Variants in SLC45A4 observed in about 807,000 individuals in gnomAD.
SLC45A4 encodes polyamine-transporter SLC45A4.
A neutral mutation model predicts 63.7 loss-of-function variants in SLC45A4; 32 were observed. The ratio of observed to expected loss-of-function variants is 0.50; its 90% CI spans 0.38 to 0.67. The LOEUF is 0.67. Among genes scored for constraint, SLC45A4 ranks in the 30% least tolerant of loss-of-function variants. The pLI, the probability that SLC45A4 is intolerant of heterozygous loss-of-function variation, is 0.00. For synonymous variants in SLC45A4, 535 were observed against 510.0 expected, an observed-to-expected ratio of 1.05 and a Z score of -0.66; for missense variants, 1,027 against 1,157.7, an observed-to-expected ratio of 0.89 and a Z score of 1.64.
intron 2 of SLC45A4, among the ~76,000 whole-genome samples, chr8:141,222,419 C>T (rs1207851016): frequency 6.6e-6 from 1 of 152,200 alleles, no homozygotes; most frequent in African/African-American, 2.4e-5. Context: ...ACCTGTCATG[C>T]TCACATTCTC....
Position 141,277,713 on chromosome 8 carries a change from C to T in SLC45A4, c.-400-23084G>A, listed in dbSNP as rs144602703. On this transcript the variant is annotated intron_variant, in intron 1 of 8. Transcript: ENST00000517878. ...GGAGTGCAGTGGGGCGATCTCGGCT[C>T]ACTGCAAGCTCCGCCTCCCGGGTTC... Among the ~76,000 whole-genome samples the T allele has an allele frequency of 3.8e-3, 575 of 152,002 alleles. 9 individuals are homozygous for T. The highest frequency in any genetic ancestry group is 0.013 in the African/African-American group (549 of 41,428).
At chr8:141,281,633 GAC>G (rs1371520723) in intron 1 of SLC45A4, among the ~76,000 whole-genome samples, 2 of 152,178 alleles carry the variant, frequency 1.3e-5, no homozygotes, top group Non-Finnish European at 2.9e-5. Context: ...TTCAATACAT[GAC>G]AGTGTTTGCA....
chr8:141,246,396 A>G (rs1372853647), intron 2 of SLC45A4, among the ~76,000 whole-genome samples: 6 of 152,178 alleles, frequency 3.9e-5, no homozygotes, highest in Non-Finnish European at 7.4e-5. Context: ...AGGCTCCTGG[A>G]CTGAGAGCCT....
chr8:141,270,331 A>C (rs1353150563), intron 1 of SLC45A4, among the ~76,000 whole-genome samples: 5 of 149,458 alleles, frequency 3.3e-5, no homozygotes, highest in Non-Finnish European at 3.0e-5. Flanking sequence ...GTTCAAGACC[A>C]CCCTGGGCGA....
intron 2 of SLC45A4, chr8:141,252,432 T>C (rs142829297): frequency 0.016 from 1,904 of 121,242 alleles, 116 homozygotes; most frequent in Admixed American, 0.11. Flanking sequence ...CCCACCTGCG[T>C]GTCTGTGAAT....
In SLC45A4 at chr8:141,297,343, C is replaced by T. The variant is rs556439952; in HGVS notation, c.-401+10753G>A. On this transcript the variant is annotated intron_variant, in intron 1 of 8. Transcript: ENST00000517878. ...GCGGGGGAGGTAGGCCTGGGGTCCA[C>T]GCCTAAGGCCCGCTAAGCCGAAGCA... Among the ~76,000 whole-genome samples the T allele has an allele frequency of 5.9e-5, 9 of 152,224 alleles. No individual in the cohort carries two copies. In the East Asian group the frequency reaches 1.4e-3, roughly 23 times the overall value.
intron 1 of SLC45A4, among the ~76,000 whole-genome samples, chr8:141,276,976 T>C (rs1196075356): frequency 6.6e-6 from 1 of 152,192 alleles, no homozygotes; most frequent in Non-Finnish European, 1.5e-5. Flanking sequence ...CAGGATCGGA[T>C]GGCCGCCTGT....
chr8:141,304,573 A>AAAG (rs1830842561), intron 1 of SLC45A4, among the ~76,000 whole-genome samples: 1 of 128,938 alleles, frequency 7.8e-6, no homozygotes. Context: ...AAAAAAAAAA[A>AAAG]GGGGGGGAGA....
rs572046703 is a variant in SLC45A4, at chr8:141,278,554, C to T, written c.-400-23925G>A. ...AGGACACTGGTGAGACAGGGGTGAGCACCTGCAGTGGAGGTGGGGCGGGCA... is the reference window on the plus strand; with the variant it reads ...AGGACACTGGTGAGACAGGGGTGAGTACCTGCAGTGGAGGTGGGGCGGGCA... On this transcript the variant is annotated intron_variant, in intron 1 of 8. Transcript: ENST00000517878. This position sits in a 1 kb window ranked among gnomAD's most constrained non-coding sequence, Gnocchi z 4.1. Among the ~76,000 whole-genome samples the T allele has an allele frequency of 9.1e-4, 138 of 152,060 alleles. No homozygotes were observed. Among genetic ancestry groups the T allele is most frequent in the African/African-American group, 3.2e-3 (132 of 41,544 alleles).
intron 1 of SLC45A4, 126 bp downstream of exon 1, chr8:141,307,970 C>G (rs1338132079): frequency 6.9e-5 from 10 of 144,720 alleles, no homozygotes; most frequent in African/African-American, 2.6e-4. Context: ...GGGGCTGCGG[C>G]GCGGACCCGA....
intron 1 of SLC45A4, among the ~76,000 whole-genome samples, chr8:141,277,431 A>G (rs1366192717): frequency 6.6e-6 from 1 of 152,172 alleles, no homozygotes; most frequent in East Asian, 1.9e-4. Context: ...AAGCCAAGCT[A>G]CTCTGGACAC....
rs778297577 is a variant in SLC45A4, at chr8:141,219,001, C to G, written c.639G>C (p.Leu213=). Residue 213 remains leucine (L), a synonymous_variant, in exon 5 of 9, where the codon CTG becomes CTC. Coordinates refer to ENST00000517878, the MANE Select transcript of SLC45A4 (RefSeq NM_001286646.2). ...AGGTCTGGGTCCAGTCCAGCCCACC[C>G]AGCACGTAGCCGATGGCTCCGCCGA... is the stretch of plus-strand genomic sequence containing the variant. ...AGLGGAIGYV[L]GGLDWTQTFL... 3.7e-6 allele frequency: 6 copies of G among 1,612,338 alleles called. No individual in the cohort carries two copies. In the African/African-American group the frequency reaches 6.7e-5, roughly 18 times the overall value.
intron 2 of SLC45A4, among the ~76,000 whole-genome samples, chr8:141,251,066 G>A (rs1402377793): frequency 3.3e-5 from 5 of 152,092 alleles, no homozygotes; most frequent in Non-Finnish European, 2.9e-5. Context: ...CTCAGGAACC[G>A]GAGGTTCTAA....
intron 2 of SLC45A4, among the ~76,000 whole-genome samples, chr8:141,241,358 CGCTT>C (rs751707064): frequency 3.5e-4 from 53 of 151,934 alleles, no homozygotes; most frequent in Non-Finnish European, 5.7e-4. Context: ...GGTCCAAGGA[CGCTT>C]GCCTATGGTG....
rs369676662 is a variant in SLC45A4 at position 141,273,273 on chromosome 8, CTT to C, written c.-400-18646_-400-18645del. On this transcript the variant is annotated intron_variant, in intron 1 of 8. Transcript: ENST00000517878. Reference sequence around the variant, plus strand: ...AAGAGGCAATGAGGGGTGTGCCCTTCTTTCCAAATGCTCAAGCACTGACCTGG... The same window carrying C: ...AAGAGGCAATGAGGGGTGTGCCCTTCTCCAAATGCTCAAGCACTGACCTGG... 2.4e-4 allele frequency among the ~76,000 whole-genome samples: 36 copies of C among 152,330 alleles called. No homozygotes were observed. The East Asian group carries it at 5.6e-3, about 24-fold the overall frequency.
intron 1 of SLC45A4, among the ~76,000 whole-genome samples, chr8:141,271,949 ACT>A (rs773751061): frequency 6.6e-6 from 1 of 151,868 alleles, no homozygotes; most frequent in Admixed American, 6.6e-5. Flanking sequence ...TCACACATGC[ACT>A]CACACGTGTG....
intron 1 of SLC45A4, among the ~76,000 whole-genome samples, chr8:141,275,900 T>C (rs1474202966): frequency 1.3e-5 from 2 of 151,854 alleles, no homozygotes; most frequent in East Asian, 3.9e-4. Flanking sequence ...TCTGCTCCTA[T>C]AGGACCTAAA....
At chr8:141,264,766 A>T (rs1183976373) in intron 1 of SLC45A4, among the ~76,000 whole-genome samples, 1 of 152,168 alleles carries the variant, frequency 6.6e-6, no homozygotes, top group Non-Finnish European at 1.5e-5. Context: ...TCTCCTAATT[A>T]ACCTTTGTCA....
chr8:141,258,188 G>T (rs1324233211), intron 1 of SLC45A4, among the ~76,000 whole-genome samples: 1 of 151,370 alleles, frequency 6.6e-6, no homozygotes, highest in African/African-American at 2.4e-5. Flanking sequence ...GCTGCCCTCC[G>T]GCCTGGCCTA....
Sources: gnomAD v4.1 joint callset for allele counts (sites outside exome capture counted in the v4.1 genomes callset) on GRCh38, gnomAD v4.1.1 for gene constraint, Gnocchi (gnomAD v3.1) non-coding constraint, MANE v1.5 for transcripts, NCBI Gene and HGNC (gene_info 2026-07-23, HGNC 2026-07-21) for gene names.